The following HERPUD2 variants were observed in gnomAD, a reference collection of about 807,000 sequenced individuals.
The protein encoded by HERPUD2 is homocysteine-responsive endoplasmic reticulum-resident ubiquitin-like domain member 2 protein.
In HERPUD2, 13 loss-of-function variants were observed where a neutral mutation model predicts 49.9. The observed-to-expected ratio is 0.26, with a 90% confidence interval of 0.17 to 0.41. The LOEUF (loss-of-function observed/expected upper bound fraction) is 0.41. Ranked by LOEUF, HERPUD2 falls within the 10% of genes least tolerant of loss-of-function variation. The pLI is 1.00. For synonymous variants in HERPUD2, 172 were observed against 171.4 expected, an observed-to-expected ratio of 1.00 and a Z score of -0.03; for missense variants, 449 against 492.2, an observed-to-expected ratio of 0.91 and a Z score of 0.83.
At chr7:35,647,507 G>T (rs138383524) in intron 5 of HERPUD2, among the ~76,000 whole-genome samples, 269 of 152,236 alleles carry the variant, frequency 1.8e-3, no homozygotes, top group Non-Finnish European at 3.2e-3. Flanking sequence ...AAGTCACAGG[G>T]TCTTCATGCA....
chr7:35,667,320 T>C (rs1171136411), intron 5 of HERPUD2, 114 bp downstream of exon 5: 1 of 957,576 alleles, frequency 1.0e-6, no homozygotes, highest in Non-Finnish European at 1.6e-6. Flanking sequence ...ATCAAATATA[T>C]GAATAAATTT....
chr7:35,690,709 T>C (rs1332161531), intron 2 of HERPUD2, among the ~76,000 whole-genome samples: 1 of 152,002 alleles, frequency 6.6e-6, no homozygotes. Context: ...CTTGGGAGGC[T>C]GAGGCAGGAG....
chr7:35,635,027 A>G, intron 7 of HERPUD2, 108 bp downstream of exon 7: 1 of 752,872 alleles, frequency 1.3e-6, no homozygotes, highest in Non-Finnish European at 2.1e-6. Flanking sequence ...TCTAAAGCCC[A>G]GCATTCATAT....
At chr7:35,645,044 A>G (rs1332744463) in intron 5 of HERPUD2, among the ~76,000 whole-genome samples, 2 of 152,210 alleles carry the variant, frequency 1.3e-5, no homozygotes, top group African/African-American at 4.8e-5. Context: ...ACTCTAGCCC[A>G]AGGATAAAAA....
rs189839763 is a variant in HERPUD2, at chr7:35,682,753, T to G, written c.148-9475A>C. On this transcript the variant is annotated intron_variant, in intron 2 of 8. Coordinates refer to ENST00000311350, the MANE Select transcript of HERPUD2 (RefSeq NM_022373.5). Reference sequence around the variant, plus strand: ...TACAAAATTAATGTACACAAATCAGTAGCACTTTTATATACCAACAGCAAC... The same window carrying G: ...TACAAAATTAATGTACACAAATCAGGAGCACTTTTATATACCAACAGCAAC... Among the ~76,000 whole-genome samples the G allele has an allele frequency of 3.1e-3, 471 of 149,946 alleles. 3 individuals carry two copies. Among genetic ancestry groups the G allele is most frequent in the Non-Finnish European group, 4.1e-3 (275 of 67,586 alleles).
chr7:35,682,357 G>GTATATATATA (rs3052526), intron 2 of HERPUD2, among the ~76,000 whole-genome samples: 3 of 25,824 alleles, frequency 1.2e-4, no homozygotes, highest in African/African-American at 4.3e-4. Context: ...GTGTGTGTGT[G>GTATATATATA]TATATATATA....
At chr7:35,643,845 A>G (rs1785006169) in intron 5 of HERPUD2, among the ~76,000 whole-genome samples, 1 of 151,684 alleles carries the variant, frequency 6.6e-6, no homozygotes, top group South Asian at 2.1e-4. Context: ...AAAAAAAAAA[A>G]ACTAAAGAAG....
intron 5 of HERPUD2, among the ~76,000 whole-genome samples, chr7:35,639,220 G>C (rs1784926062): frequency 6.6e-6 from 1 of 151,828 alleles, no homozygotes; most frequent in African/African-American, 2.4e-5. Context: ...TTTTAGTAGA[G>C]ACAGGGTTTC....
Position 35,644,763 on chromosome 7 carries a change from T to C in HERPUD2, c.495-6291A>G, listed in dbSNP as rs1267249738. ...GCCTGGGGGAAACAGTGAGGCTCTG[T>C]CTCAACAAAAAAAGAAAGGAAACAT... On this transcript the variant is annotated intron_variant, in intron 5 of 8. Transcript: ENST00000311350. Among the ~76,000 whole-genome samples the C allele has an allele frequency of 2.6e-5, 4 of 152,050 alleles. No homozygotes were observed. In the East Asian group the frequency reaches 7.7e-4, roughly 29 times the overall value.
At chr7:35,681,835 G>A (rs1460096485) in intron 2 of HERPUD2, among the ~76,000 whole-genome samples, 1 of 152,104 alleles carries the variant, frequency 6.6e-6, no homozygotes, top group African/African-American at 2.4e-5. Flanking sequence ...TTAGCACACT[G>A]GAAGAAAAAA....
At chr7:35,664,859 G>A (rs1025248063) in intron 5 of HERPUD2, among the ~76,000 whole-genome samples, 2 of 152,130 alleles carry the variant, frequency 1.3e-5, no homozygotes, top group African/African-American at 4.8e-5. Flanking sequence ...GCTGGGAGAA[G>A]TTTGTTATTA....
At chr7:35,656,230 CA>C (rs1250172247) in intron 5 of HERPUD2, among the ~76,000 whole-genome samples, 1 of 151,430 alleles carries the variant, frequency 6.6e-6, no homozygotes, top group Admixed American at 6.6e-5. Flanking sequence ...ACAATAGCTA[CA>C]AAAAAATACA....
intron 2 of HERPUD2, among the ~76,000 whole-genome samples, chr7:35,673,591 G>A (rs1302474709): frequency 1.3e-5 from 2 of 152,068 alleles, no homozygotes; most frequent in Non-Finnish European, 2.9e-5. Context: ...ATGCATATAT[G>A]ACTATCATTA....
In HERPUD2 at chr7:35,694,605, G is replaced by A; in HGVS notation, c.-275C>T. On this transcript the variant is annotated 5_prime_UTR_variant, in exon 2 of 9. Transcript: ENST00000311350. ...GCTCCGCCGGGCTCCGGACTGTGGA[G>A]GCCGTCGTGAGGAGAAAGGAAGCTA... 2.1e-6 allele frequency: 1 copy of A among 483,078 alleles called. No homozygotes were observed. The highest frequency in any genetic ancestry group is 3.8e-6 in the Non-Finnish European group (1 of 264,918). 29.9% of individuals were successfully genotyped at this position (483,078 alleles called of 1,614,324 possible).
At chr7:35,686,682 G>GCAC (rs1340110357) in intron 2 of HERPUD2, among the ~76,000 whole-genome samples, 1 of 89,358 alleles carries the variant, frequency 1.1e-5, no homozygotes, top group Non-Finnish European at 2.0e-5. Flanking sequence ...TCCCGCCACT[G>GCAC]CACTCCAGCC....
intron 5 of HERPUD2, among the ~76,000 whole-genome samples, chr7:35,655,447 C>T (rs1785257258): frequency 6.6e-6 from 1 of 152,180 alleles, no homozygotes; most frequent in Non-Finnish European, 1.5e-5. Flanking sequence ...TGATACATCA[C>T]ATCAACAGAA....
At chr7:35,636,728 G>T (rs746784181) in intron 6 of HERPUD2, among the ~76,000 whole-genome samples, 14 of 152,306 alleles carry the variant, frequency 9.2e-5, no homozygotes, top group Non-Finnish European at 1.5e-4. Flanking sequence ...AGCTTTATGG[G>T]GAAAGGTCTG....
intron 2 of HERPUD2, among the ~76,000 whole-genome samples, chr7:35,689,991 C>A (rs548743979): frequency 2.0e-5 from 3 of 152,270 alleles, no homozygotes; most frequent in South Asian, 2.1e-4. Context: ...TAAAATTTTT[C>A]TCTAGGATGA....
Position 35,635,339 on chromosome 7 carries a change from A to C in HERPUD2, c.737T>G (p.Val246Gly). 6.2e-7 allele frequency: 1 copy of C among 1,614,142 alleles called. No homozygotes were observed. The highest frequency in any genetic ancestry group is 1.1e-5 in the South Asian group (1 of 91,080). Reference protein sequence around the residue: ...GEEPPPAPNLVAQENRPMNEN... With the variant: ...GEEPPPAPNLGAQENRPMNEN... Reference sequence around the variant, plus strand: ...ATTCATGGGTCGATTTTCTTGGGCCACTAGGTTTGGAGCTGGTGGGGGTTC... The same window carrying C: ...ATTCATGGGTCGATTTTCTTGGGCCCCTAGGTTTGGAGCTGGTGGGGGTTC... The change falls in exon 7 of 9, where the codon GTG (valine) becomes GGG (glycine). Residue 246 changes from valine (V) to glycine (G), a missense_variant. Transcript: ENST00000311350.
Sources: gnomAD v4.1 joint callset for allele counts (sites outside exome capture counted in the v4.1 genomes callset) on GRCh38, gnomAD v4.1.1 for gene constraint, MANE v1.5 for transcripts, NCBI Gene and HGNC (gene_info 2026-07-23, HGNC 2026-07-21) for gene names.